The following CPNE1 variants were observed in gnomAD, a reference collection of about 807,000 sequenced individuals.
The protein encoded by CPNE1 is copine-1.
CPNE1 carries 58 observed loss-of-function variants against 63.2 expected under a neutral mutation model. That is an observed-to-expected ratio of 0.92 (90% confidence interval 0.74 to 1.14). The LOEUF is 1.14. Among genes scored for constraint, CPNE1 ranks in the 50% most tolerant of loss-of-function variants. CPNE1 has a pLI of 0.00. For synonymous variants in CPNE1, 237 were observed against 249.0 expected (o/e 0.95, Z 0.45); for missense variants, 672 against 661.7 (o/e 1.02, Z -0.17).
intron 1 of CPNE1, chr20:35,653,021 C>G: frequency 1.2e-6 from 2 of 1,613,868 alleles, no homozygotes; most frequent in Non-Finnish European, 1.7e-6. Context: ...CCCGGAACAT[C>G]CAGTCCTAGA....
intron 1 of CPNE1, among the ~76,000 whole-genome samples, chr20:35,643,909 G>T (rs1171899085): frequency 1.3e-5 from 2 of 152,098 alleles, no homozygotes; most frequent in Admixed American, 1.3e-4. Flanking sequence ...TGCTGCCAGT[G>T]GCCTCCCACT....
At chr20:35,627,568 A>G (rs2031845023) in intron 13 of CPNE1, 155 bp from the exon 14 acceptor site, 3 of 657,204 alleles carry the variant, frequency 4.6e-6, no homozygotes, top group African/African-American at 1.9e-5. Flanking sequence ...TCTCCTACAC[A>G]TGAGGAAACT....
At chr20:35,653,912 T>C in intron 1 of CPNE1, 1 of 1,614,208 alleles carries the variant, frequency 6.2e-7, no homozygotes, top group Non-Finnish European at 8.5e-7. Flanking sequence ...CCTTCGCCAG[T>C]TGCTTTCCCA....
chr20:35,660,263 C>T (rs1435505029), intron 1 of CPNE1, among the ~76,000 whole-genome samples: 1 of 151,902 alleles, frequency 6.6e-6, no homozygotes, highest in East Asian at 1.9e-4. Flanking sequence ...AGTGCAGTGG[C>T]GCGATCTAGG....
At position 35,628,707 on chromosome 20, in the gene CPNE1, A is replaced by G. The variant is rs956357180; in HGVS notation, c.1103-1294T>C. ...TCTTCCATATAAAAAGATATGTGCTAACTGAACGCAATGTGTGATCTGAGA... is the reference window on the plus strand; with the variant it reads ...TCTTCCATATAAAAAGATATGTGCTGACTGAACGCAATGTGTGATCTGAGA... On this transcript the variant is annotated intron_variant, in intron 13 of 15. Transcript: ENST00000397443. 6.1e-4 allele frequency among the ~76,000 whole-genome samples: 93 copies of G among 152,374 alleles called. 1 individual carries two copies. The highest frequency in any genetic ancestry group is 1.5e-5 in the Non-Finnish European group (1 of 68,042).
At chr20:35,644,273 G>A (rs1353416447) in intron 1 of CPNE1, among the ~76,000 whole-genome samples, 1 of 152,126 alleles carries the variant, frequency 6.6e-6, no homozygotes, top group African/African-American at 2.4e-5. Flanking sequence ...GATCCAGGAG[G>A]AATGCCTCTG....
intron 1 of CPNE1, chr20:35,654,968 A>G: frequency 2.5e-6 from 4 of 1,614,196 alleles, no homozygotes; most frequent in Non-Finnish European, 3.4e-6. Context: ...GTTGTGGGCA[A>G]GTTTACCCTG....
At chr20:35,651,096 A>G (rs2033481899) in intron 1 of CPNE1, 1 of 152,242 alleles carries the variant, frequency 6.6e-6, no homozygotes, top group Non-Finnish European at 1.5e-5. Flanking sequence ...GAAAGTAACC[A>G]TAATTAGAGC....
intron 1 of CPNE1, among the ~76,000 whole-genome samples, chr20:35,634,825 G>C (rs1373974098): frequency 6.6e-6 from 1 of 151,614 alleles, no homozygotes; most frequent in Non-Finnish European, 1.5e-5. Flanking sequence ...CACAACCTCT[G>C]CCCCTTGGGT....
At chr20:35,628,891 G>A (rs761830158) in intron 13 of CPNE1, among the ~76,000 whole-genome samples, 1 of 152,212 alleles carries the variant, frequency 6.6e-6, no homozygotes. Context: ...AGTACTCAGA[G>A]GTAAAAAGCC....
chr20:35,639,993 G>T (rs2032715480), intron 1 of CPNE1, among the ~76,000 whole-genome samples: 2 of 152,148 alleles, frequency 1.3e-5, no homozygotes, highest in Admixed American at 1.3e-4. Flanking sequence ...GCCTCAGTAG[G>T]ATAAGGGGCT....
At chr20:35,655,179 G>A in intron 1 of CPNE1, 1 of 1,614,094 alleles carries the variant, frequency 6.2e-7, no homozygotes, top group Non-Finnish European at 8.5e-7. Flanking sequence ...CTTCATCAGT[G>A]GCAAAAACGA....
At chr20:35,649,387 A>G (rs1426096390) in intron 1 of CPNE1, 1 of 152,238 alleles carries the variant, frequency 6.6e-6, no homozygotes, top group Admixed American at 6.5e-5. Flanking sequence ...CCACCTAAAA[A>G]TGTAATGTTT....
At chr20:35,655,733 T>C (rs1476305352) in intron 1 of CPNE1, among the ~76,000 whole-genome samples, 1 of 152,068 alleles carries the variant, frequency 6.6e-6, no homozygotes, top group Non-Finnish European at 1.5e-5. Flanking sequence ...GCAAAGAATA[T>C]ATAGAAGTTA....
Position 35,653,279 on chromosome 20 carries a change from T to C in CPNE1, c.-1+11481A>G, listed in dbSNP as rs190515899. On this transcript the variant is annotated intron_variant, in intron 1 of 15. Coordinates refer to ENST00000397443, the MANE Select transcript of CPNE1 (RefSeq NM_152925.3). Reference sequence around the variant, plus strand: ...GCACCAGGCAGTCCTGCACTGGTTATTGCTGAACCAGGCAGTCCTGTGCTG... The same window carrying C: ...GCACCAGGCAGTCCTGCACTGGTTACTGCTGAACCAGGCAGTCCTGTGCTG... The C allele has an allele frequency of 1.6e-5, 26 of 1,613,662 alleles. No individual in the cohort carries two copies. The East Asian group carries it at 4.0e-4, about 25-fold the overall frequency.
At position 35,632,857 on chromosome 20, in the gene CPNE1, C is replaced by T. The variant is rs200966574; in HGVS notation, c.67G>A (p.Gly23Ser). ...ACGCAGAGTGGGTCAGACTTGGAGC[C>T]GATGTCCTTGTCAATGAGATGGTCA... ...SCDHLIDKDIGSKSDPLCVLL... is the reference protein window; with the variant it reads ...SCDHLIDKDISSKSDPLCVLL... The change falls in exon 2 of 16, where the codon GGC becomes AGC. Residue 23 changes from glycine to serine, a missense_variant. By Grantham distance (56) the Gly-to-Ser change is moderately conservative (BLOSUM62 0). Coordinates refer to ENST00000397443, the MANE Select transcript of CPNE1 (RefSeq NM_152925.3). The T allele has an allele frequency of 4.6e-6, 4 of 872,922 alleles. No individual in the cohort carries two copies. The highest frequency in any genetic ancestry group is 8.0e-6 in the Non-Finnish European group (4 of 501,650). 54.1% of individuals were successfully genotyped at this position (872,922 alleles called of 1,614,324 possible).
chr20:35,654,308 C>T (rs1568937595), intron 1 of CPNE1: 1 of 1,614,212 alleles, frequency 6.2e-7, no homozygotes, highest in Non-Finnish European at 8.5e-7. Context: ...TTTCGACCTA[C>T]ATGATCTTTC....
Position 35,632,515 on chromosome 20 carries a change from A to G in CPNE1, c.309+2T>C. On this transcript the variant is annotated splice_donor_variant, in intron 3 of 15. Transcript: ENST00000397443. LOFTEE classifies it high-confidence loss of function. The stretch of plus-strand genomic sequence containing the variant: ...AGGATCCTAATCCCCAGCCCTACAT[A>G]CCTGTCCTAGGGAACACTCAGCACC... 1 of 1,613,072 alleles carries G rather than the reference A, an allele frequency of 6.2e-7. No homozygotes were observed. The highest frequency in any genetic ancestry group is 1.1e-5 in the South Asian group (1 of 91,068).
intron 1 of CPNE1, chr20:35,654,451 T>C (rs1336015037): frequency 1.2e-6 from 2 of 1,614,224 alleles, no homozygotes; most frequent in African/African-American, 1.3e-5. Context: ...CACACTGCTC[T>C]GAGAGTTCAT....
Sources: gnomAD v4.1 joint callset for allele counts (sites outside exome capture counted in the v4.1 genomes callset) on GRCh38, gnomAD v4.1.1 for gene constraint, MANE v1.5 for transcripts, NCBI Gene and HGNC (gene_info 2026-07-23, HGNC 2026-07-21) for gene names.